The following ATP6V1A variants were observed in gnomAD, a reference collection of about 807,000 sequenced individuals.
ATP6V1A encodes V-type proton ATPase catalytic subunit A.
Under a neutral mutation model 70.1 loss-of-function variants are expected in ATP6V1A, and 18 were observed. The ratio of observed to expected loss-of-function variants is 0.26; its 90% confidence interval spans 0.18 to 0.38. The LOEUF is 0.38. ATP6V1A is among the 10% of genes least tolerant of loss of function. The probability of loss-of-function intolerance (pLI) is 1.00; values close to 1 mark genes in which losing one functional copy is unlikely to be tolerated. For synonymous variants in ATP6V1A, 232 were observed against 253.8 expected, an observed-to-expected ratio of 0.91 and a Z score of 0.82; for missense variants, 424 against 772.4, an observed-to-expected ratio of 0.55 and a Z score of 5.35.
At chr3:113,757,153 C>T (rs747575910) in intron 1 of ATP6V1A, among the ~76,000 whole-genome samples, 3 of 152,212 alleles carry the variant, frequency 2.0e-5, no homozygotes, top group Non-Finnish European at 4.4e-5. Flanking sequence ...AGAATCTTCT[C>T]AGGTCCCAAC....
chr3:113,802,179 T>C (rs1197270634), intron 12 of ATP6V1A, among the ~76,000 whole-genome samples: 2 of 152,242 alleles, frequency 1.3e-5, no homozygotes, highest in Non-Finnish European at 2.9e-5. Flanking sequence ...TTACTGTACT[T>C]CATAGTTCTA....
intron 1 of ATP6V1A, among the ~76,000 whole-genome samples, chr3:113,771,841 G>T (rs1420205387): frequency 1.3e-5 from 2 of 152,162 alleles, no homozygotes; most frequent in Non-Finnish European, 2.9e-5. Flanking sequence ...ATGAGATGAA[G>T]TAGAGTATAA....
intron 1 of ATP6V1A, among the ~76,000 whole-genome samples, chr3:113,776,256 G>A (rs1166694505): frequency 6.6e-6 from 1 of 152,080 alleles, no homozygotes; most frequent in African/African-American, 2.4e-5. Flanking sequence ...CTACTGGGTG[G>A]GGTGGGGACG....
intron 1 of ATP6V1A, among the ~76,000 whole-genome samples, chr3:113,752,811 TA>T (rs1336893278): frequency 1.3e-5 from 2 of 152,144 alleles, no homozygotes; most frequent in African/African-American, 4.8e-5. Context: ...GAAGAAAATA[TA>T]ATTGATCCAA....
Position 113,806,343 on chromosome 3 carries a change from A to T in ATP6V1A, c.1761+818A>T, listed in dbSNP as rs145085634. ...TGCCAGGCAAATTAGAGCTTACTTC[A>T]TAGCTGAGCAACAGTTGCCTTACTC... On this transcript the variant is annotated intron_variant, in intron 14 of 14. Coordinates refer to ENST00000273398, the MANE Select transcript of ATP6V1A (RefSeq NM_001690.4). Among the ~76,000 whole-genome samples, 1,330 of 152,312 alleles carry T rather than the reference A, an allele frequency of 8.7e-3. 14 individuals are homozygous for T. The highest frequency in any genetic ancestry group is 0.029 in the African/African-American group (1,187 of 41,568).
chr3:113,775,948 C>T (rs1346902014), intron 1 of ATP6V1A, among the ~76,000 whole-genome samples: 2 of 152,138 alleles, frequency 1.3e-5, no homozygotes, highest in African/African-American at 2.4e-5. Flanking sequence ...TGTTTTCCCC[C>T]GTATTATCTC....
chr3:113,780,433 C>G (rs555166987), intron 2 of ATP6V1A, among the ~76,000 whole-genome samples: 153 of 152,320 alleles, frequency 1.0e-3, no homozygotes, highest in Non-Finnish European at 1.7e-3. Context: ...CAATTTCTTA[C>G]CCAATGGTGG....
Position 113,778,753 on chromosome 3 carries a change from T to A in ATP6V1A, c.-1T>A. ...TTATTTACTATAGGTAAACTAACAT[T>A]ATGGATTTTTCCAAGCTACCCAAAA... On this transcript the variant is annotated 5_prime_UTR_variant, in exon 2 of 15. Transcript: ENST00000273398. 5.1e-6 allele frequency: 8 copies of A among 1,577,938 alleles called. No individual in the cohort carries two copies. The highest frequency in any genetic ancestry group is 6.9e-6 in the Non-Finnish European group (8 of 1,162,542).
intron 3 of ATP6V1A, among the ~76,000 whole-genome samples, chr3:113,782,344 G>T (rs1248819806): frequency 1.3e-5 from 2 of 151,766 alleles, no homozygotes; most frequent in African/African-American, 4.8e-5. Flanking sequence ...TAAAATAAAT[G>T]AAAATGTAAA....
At chr3:113,756,591 A>G (rs558078079) in intron 1 of ATP6V1A, among the ~76,000 whole-genome samples, 2 of 152,248 alleles carry the variant, frequency 1.3e-5, no homozygotes, top group Non-Finnish European at 2.9e-5. Flanking sequence ...ATCATATGGA[A>G]TTAATGTAAC....
At position 113,795,142 on chromosome 3, in the gene ATP6V1A, A is replaced by C. The variant is rs373543610; in HGVS notation, c.1164A>C (p.Arg388=). Residue 388 remains arginine (R), a synonymous_variant, in exon 10 of 15, where the codon CGA becomes CGC. Transcript: ENST00000273398. ...LGARLASFYE[R]AGRVKCLGNP... Reference sequence around the variant, plus strand: ...CCCGTCTGGCCTCGTTTTATGAACGAGCAGGCAGGGTGAAATGTCTTGGAA... The same window carrying C: ...CCCGTCTGGCCTCGTTTTATGAACGCGCAGGCAGGGTGAAATGTCTTGGAA... 3.7e-6 allele frequency: 6 copies of C among 1,614,164 alleles called. No homozygotes were observed. Among genetic ancestry groups the C allele is most frequent in the Non-Finnish European group, 5.1e-6 (6 of 1,180,010 alleles).
chr3:113,781,772 T>C (rs1439315271), intron 3 of ATP6V1A, among the ~76,000 whole-genome samples: 8 of 152,208 alleles, frequency 5.3e-5, no homozygotes, highest in South Asian at 4.1e-4. Flanking sequence ...TTTTTCTTCA[T>C]TGGGACGCAT....
At position 113,772,933 on chromosome 3, in the gene ATP6V1A, C is replaced by CTTTTTTTTTTTT. The variant is rs762901487; in HGVS notation, c.-13-5797_-13-5786dup. Among the ~76,000 whole-genome samples, 13 of 90,450 alleles carry CTTTTTTTTTTTT rather than the reference C, an allele frequency of 1.4e-4. 1 individual carries two copies. Among genetic ancestry groups the CTTTTTTTTTTTT allele is most frequent in the Admixed American group, 3.9e-4 (3 of 7,682 alleles). 59.3% of individuals were successfully genotyped at this position (90,450 alleles called of 152,430 possible). A position where few individuals can be genotyped will look rare whatever the true frequency, so the allele number is the denominator to read the frequency against. On this transcript the variant is annotated intron_variant, in intron 1 of 14. Coordinates refer to ENST00000273398, the MANE Select transcript of ATP6V1A (RefSeq NM_001690.4). ...CATTTTTTTCTCCACTTAATATTGGCTTTTTTTTTTTTTTTTTTTTTTGAG... is the reference window on the plus strand; with the variant it reads ...CATTTTTTTCTCCACTTAATATTGGCTTTTTTTTTTTTTTTTTTTTTTTTTTTTTTTTTTGAG...
At chr3:113,776,072 A>G (rs1431737146) in intron 1 of ATP6V1A, among the ~76,000 whole-genome samples, 2 of 152,000 alleles carry the variant, frequency 1.3e-5, no homozygotes, top group Non-Finnish European at 2.9e-5. Flanking sequence ...ATCCTAATAA[A>G]TTTCTGCCAG....
At chr3:113,757,078 A>G (rs994061509) in intron 1 of ATP6V1A, among the ~76,000 whole-genome samples, 1 of 152,220 alleles carries the variant, frequency 6.6e-6, no homozygotes, top group African/African-American at 2.4e-5. Context: ...ATCTCTATGA[A>G]TCTAAGAAGC....
intron 3 of ATP6V1A, among the ~76,000 whole-genome samples, chr3:113,781,808 T>C (rs77935612): frequency 0.06 from 9,088 of 152,264 alleles, 370 homozygotes; most frequent in Middle Eastern, 0.12. Flanking sequence ...GTAAACAGAA[T>C]AACAATATTG....
At chr3:113,769,190 A>G (rs1489256523) in intron 1 of ATP6V1A, among the ~76,000 whole-genome samples, 1 of 152,224 alleles carries the variant, frequency 6.6e-6, no homozygotes. Context: ...GACTAGCACT[A>G]TACTCTAAAA....
rs990799035 is a variant in ATP6V1A at position 113,780,737 on chromosome 3, A to G, written c.83-313A>G. On this transcript the variant is annotated intron_variant, in intron 2 of 14. Transcript: ENST00000273398. ...TTTTTTTTATTGTTCCAAAGCCTTCACTCCATGTATCATAGCAACTCTCAG... is the reference window on the plus strand; with the variant it reads ...TTTTTTTTATTGTTCCAAAGCCTTCGCTCCATGTATCATAGCAACTCTCAG... 3.1e-6 allele frequency: 4 copies of G among 1,298,236 alleles called. No individual in the cohort carries two copies. In the African/African-American group the frequency reaches 6.0e-5, roughly 20 times the overall value. The allele number at this position is 1,298,236 out of a possible 1,614,324, so 80.4% of individuals were successfully genotyped here. A position where few individuals can be genotyped will look rare whatever the true frequency, so the allele number is the denominator to read the frequency against.
intron 6 of ATP6V1A, among the ~76,000 whole-genome samples, chr3:113,787,909 CTCTT>C (rs961679598): frequency 1.2e-4 from 18 of 152,158 alleles, no homozygotes; most frequent in African/African-American, 4.3e-4. Context: ...CTATCTCTCT[CTCTT>C]TCTCTCTCTG....
Sources: allele counts gnomAD v4.1 joint callset (sites outside exome capture counted in the v4.1 genomes callset), GRCh38; gene constraint gnomAD v4.1.1; transcripts MANE v1.5; gene names NCBI Gene and HGNC (gene_info 2026-07-23, HGNC 2026-07-21).